TOMM22: variants seen among roughly 807,000 people sequenced by gnomAD.
TOMM22 encodes translocase of outer mitochondrial membrane 22.
Under a neutral mutation model 17.1 loss-of-function variants are expected in TOMM22, and 3 were observed. The ratio of observed to expected loss-of-function variants is 0.18; its 90% CI spans 0.08 to 0.45. The LOEUF is 0.45. TOMM22 is among the 20% of genes least tolerant of loss of function. The probability of loss-of-function intolerance (pLI) is 0.99; values close to 1 mark genes in which losing one functional copy is unlikely to be tolerated. For synonymous variants in TOMM22, 91 were observed against 74.0 expected, an observed-to-expected ratio of 1.23 and a Z score of -1.18; for missense variants, 159 against 179.5, an observed-to-expected ratio of 0.89 and a Z score of 0.65.
At chr22:38,683,463 A>G (rs369228373) in intron 3 of TOMM22, among the ~76,000 whole-genome samples, 82 of 152,298 alleles carry the variant, frequency 5.4e-4, no homozygotes, top group African/African-American at 1.9e-3. Flanking sequence ...GCGATGGTGA[A>G]CAGCAGTAAA....
rs371809288 is a variant in TOMM22 at position 38,683,854 on chromosome 22, G to T, written c.*13G>T. ...TGGAAAGATCTAGATTGTTATTGCTGTTTGAGCTGTCTCAGTGGGATAAGT... is the reference window on the plus strand; with the variant it reads ...TGGAAAGATCTAGATTGTTATTGCTTTTTGAGCTGTCTCAGTGGGATAAGT... On this transcript the variant is annotated 3_prime_UTR_variant, in exon 4 of 4. Coordinates refer to ENST00000216034, the MANE Select transcript of TOMM22 (RefSeq NM_020243.5). 1.3e-5 allele frequency: 21 copies of T among 1,611,714 alleles called. No homozygotes were observed. The South Asian group carries it at 2.1e-4, about 16-fold the overall frequency.
In TOMM22 at chr22:38,682,937, G is replaced by A. The variant is rs746477740; in HGVS notation, c.295G>A (p.Val99Ile). The A allele has an allele frequency of 9.9e-6, 16 of 1,613,684 alleles. 1 individual carries two copies. The South Asian group carries it at 1.5e-4, about 16-fold the overall frequency. ...TTSFMILVLP[V>I]VFETEKLQME... is the part of the protein sequence containing the mutation. The stretch of plus-strand genomic sequence containing the variant: ...TTCCTTTATGATCCTGGTTCTTCCC[G>A]TTGTCTTTGAGACGGAGAAGTTGCA... Residue 99 changes from valine to isoleucine, a missense_variant, in exon 3 of 4, where the codon GTT becomes ATT. Transcript: ENST00000216034.
chr22:38,681,978 C>A lies in TOMM22; in HGVS notation c.-1C>A, dbSNP rs757935285. The A allele has an allele frequency of 1.8e-5, 29 of 1,610,566 alleles. No individual in the cohort carries two copies. The highest frequency in any genetic ancestry group is 2.5e-5 in the Non-Finnish European group (29 of 1,179,058). ...TTCCGCTTCCGGTGTCCCCTACAGT[C>A]ATGGCTGCCGCCGTCGCTGCTGCCG... On this transcript the variant is annotated 5_prime_UTR_variant, in exon 1 of 4. Coordinates refer to ENST00000216034, the MANE Select transcript of TOMM22 (RefSeq NM_020243.5).
intron 3 of TOMM22, among the ~76,000 whole-genome samples, 154 bp downstream of exon 3, chr22:38,683,150 G>T (rs200022213): frequency 1.2e-4 from 16 of 137,042 alleles, no homozygotes; most frequent in Non-Finnish European, 2.2e-4. Flanking sequence ...GTCGGGGGGG[G>T]GGTTCTGGAT....
intron 3 of TOMM22, 122 bp from the exon 4 acceptor site, chr22:38,683,645 C>A: frequency 1.4e-6 from 1 of 708,124 alleles, no homozygotes. Context: ...CGGGCCCATG[C>A]TCTTTTAGTT....
chr22:38,682,129 C>A, intron 1 of TOMM22, 34 bp downstream of exon 1: 1 of 1,541,712 alleles, frequency 6.5e-7, no homozygotes, highest in Non-Finnish European at 8.8e-7. Flanking sequence ...GAGCGGGAAG[C>A]GGGCCCGCTC....
Position 38,684,159 on chromosome 22 carries a change from C to A in TOMM22, c.*318C>A, listed in dbSNP as rs116369871. On this transcript the variant is annotated 3_prime_UTR_variant, in exon 4 of 4. Coordinates refer to ENST00000216034, the MANE Select transcript of TOMM22 (RefSeq NM_020243.5). ...CACTTTCCCCTTGTGGGGTAGGAAC[C>A]GATGCCAGTGGGAGGGATGTGCCCC... 0.021 allele frequency: 6,703 copies of A among 325,966 alleles called. 115 individuals are homozygous for A. Among genetic ancestry groups the A allele is most frequent in the South Asian group, 0.044 (534 of 12,262 alleles). The allele number at this position is 325,966 out of a possible 1,614,324, so 20.2% of individuals were successfully genotyped here.
At position 38,684,068 on chromosome 22, in the gene TOMM22, G is replaced by A; in HGVS notation, c.*227G>A. 1 of 508,522 alleles carries A rather than the reference G, an allele frequency of 2.0e-6. No homozygotes were observed. Among genetic ancestry groups the A allele is most frequent in the South Asian group, 3.1e-5 (1 of 32,330 alleles). 31.5% of individuals were successfully genotyped at this position (508,522 alleles called of 1,614,324 possible). A position where few individuals can be genotyped will look rare whatever the true frequency, so the allele number is the denominator to read the frequency against. ...CACTCTGATACCAGAGTGCAGCCAT[G>A]CAGATGGTTATTCCAGCTCTGGTCA... On this transcript the variant is annotated 3_prime_UTR_variant, in exon 4 of 4. Transcript: ENST00000216034.
At chr22:38,682,795 T>C in intron 2 of TOMM22, 84 bp from the exon 3 acceptor site, 1 of 1,108,538 alleles carries the variant, frequency 9.0e-7, no homozygotes, top group Non-Finnish European at 1.4e-6. Context: ...GAGTATGTAA[T>C]GTGAGAGGTT....
At chr22:38,682,522 C>A in intron 2 of TOMM22, 81 bp downstream of exon 2, 3 of 1,307,342 alleles carry the variant, frequency 2.3e-6, no homozygotes, top group Non-Finnish European at 2.2e-6. Context: ...TTGGAAGCAG[C>A]AGACCCGTGT....
In TOMM22 at chr22:38,684,423, T is replaced by C. The variant is rs974973462; in HGVS notation, c.*582T>C. On this transcript the variant is annotated 3_prime_UTR_variant, in exon 4 of 4. Transcript: ENST00000216034. ...TTTGGCTGTTAGACCTGTGTGTGTG[T>C]TTAAAAAAAGAGAAGTCAGTGCTCA... 6.6e-6 allele frequency: 1 copy of C among 152,176 alleles called. No homozygotes were observed. Among genetic ancestry groups the C allele is most frequent in the African/African-American group, 2.4e-5 (1 of 41,394 alleles). 9.4% of individuals were successfully genotyped at this position (152,176 alleles called of 1,614,324 possible).
In TOMM22 at chr22:38,684,473, T is replaced by C. The variant is rs1353917871; in HGVS notation, c.*632T>C. On this transcript the variant is annotated 3_prime_UTR_variant, in exon 4 of 4. Coordinates refer to ENST00000216034, the MANE Select transcript of TOMM22 (RefSeq NM_020243.5). ...ACTTTTTGTATTTAAATATTAAAAA[T>C]GATTCCAACTGAAAGTGTCATCCTA... The C allele has an allele frequency of 6.6e-6, 1 of 152,226 alleles. No individual in the cohort carries two copies. The highest frequency in any genetic ancestry group is 1.5e-5 in the Non-Finnish European group (1 of 68,066). 9.4% of individuals were successfully genotyped at this position (152,226 alleles called of 1,614,324 possible).
At chr22:38,682,851 C>G (rs371301387) in intron 2 of TOMM22, 28 bp from the exon 3 acceptor site, 1 of 1,600,764 alleles carries the variant, frequency 6.2e-7, no homozygotes, top group African/African-American at 1.3e-5. Context: ...TGTCTTCATG[C>G]TCACCCTCTG....
At chr22:38,683,649 T>G in intron 3 of TOMM22, 118 bp from the exon 4 acceptor site, 2 of 740,902 alleles carry the variant, frequency 2.7e-6, no homozygotes, top group East Asian at 5.1e-5. Context: ...CCCATGCTCT[T>G]TTAGTTGTCT....
At chr22:38,683,068 C>A in intron 3 of TOMM22, 72 bp downstream of exon 3, 2 of 1,103,916 alleles carry the variant, frequency 1.8e-6, no homozygotes, top group South Asian at 1.3e-5. Context: ...TGGTCCCCAA[C>A]CTTTTTGGCA....
rs780955282 is a variant in TOMM22 at position 38,681,987 on chromosome 22, C to T, written c.9C>T (p.Ala3=). MA[A]AVAAAGAGEP... ...CGGTGTCCCCTACAGTCATGGCTGC[C>T]GCCGTCGCTGCTGCCGGTGCAGGGG... The change falls in exon 1 of 4, where the codon GCC becomes GCT. Residue 3 remains alanine, a synonymous_variant. Coordinates refer to ENST00000216034, the MANE Select transcript of TOMM22 (RefSeq NM_020243.5). 7.4e-5 allele frequency: 119 copies of T among 1,610,778 alleles called. No individual in the cohort carries two copies. In the East Asian group the frequency reaches 8.3e-4, roughly 11 times the overall value.
In TOMM22 at chr22:38,682,074, G is replaced by A; in HGVS notation, c.96G>A (p.Leu32=). Residue 32 remains leucine (L), a synonymous_variant, in exon 1 of 4, where the codon CTG becomes CTA. Coordinates refer to ENST00000216034, the MANE Select transcript of TOMM22 (RefSeq NM_020243.5). ...ACGCGGAGAAGCCTGAGGAGGAGCT[G>A]GAGGAGGACGACGATGAGGAGGTAC... The part of the protein sequence containing the change: ...KGDAEKPEEE[L]EEDDDEELDE... 3 of 1,588,398 alleles carry A rather than the reference G, an allele frequency of 1.9e-6. No homozygotes were observed. Among genetic ancestry groups the A allele is most frequent in the Non-Finnish European group, 2.6e-6 (3 of 1,167,578 alleles).
Position 38,683,144 on chromosome 22 carries a change from G to A in TOMM22, c.354+148G>A. On this transcript the variant is annotated intron_variant, in intron 3 of 3. Coordinates refer to ENST00000216034, the MANE Select transcript of TOMM22 (RefSeq NM_020243.5). Reference sequence around the variant, plus strand: ...GTGGGTTGGGGGTGGCCGGGGGTCGGGGGGGGGGTTCTGGATGATTCAAGT... The same window carrying A: ...GTGGGTTGGGGGTGGCCGGGGGTCGAGGGGGGGGTTCTGGATGATTCAAGT... 2.0e-5 allele frequency: 9 copies of A among 457,854 alleles called. No homozygotes were observed. In the South Asian group the frequency reaches 2.1e-4, roughly 11 times the overall value. The allele number at this position is 457,854 out of a possible 1,614,324, so 28.4% of individuals were successfully genotyped here. A position where few individuals can be genotyped will look rare whatever the true frequency, so the allele number is the denominator to read the frequency against.
chr22:38,682,164 G>C, intron 1 of TOMM22, 69 bp downstream of exon 1: 2 of 1,519,690 alleles, frequency 1.3e-6, no homozygotes, highest in South Asian at 1.2e-5. Flanking sequence ...CGCGTGGTAC[G>C]GGATCGGAGC....
Sources: gnomAD v4.1 joint callset for allele counts (sites outside exome capture counted in the v4.1 genomes callset) on GRCh38, gnomAD v4.1.1 for gene constraint, MANE v1.5 for transcripts, NCBI Gene and HGNC (gene_info 2026-07-23, HGNC 2026-07-21) for gene names.